Variants in ST3GAL3 observed in about 807,000 individuals in gnomAD.
ST3GAL3 encodes CMP-N-acetylneuraminate-beta-1,4-galactoside alpha-2,3-sialyltransferase.
A neutral mutation model predicts 50.1 loss-of-function variants in ST3GAL3; 21 were observed. That is an observed-to-expected ratio of 0.42 (90% confidence interval 0.30 to 0.60). The LOEUF is 0.60. Ranked by LOEUF, ST3GAL3 falls within the 20% of genes least tolerant of loss-of-function variation. The probability of loss-of-function intolerance (pLI) is 0.19; values close to 1 mark genes in which losing one functional copy is unlikely to be tolerated. For missense variants in ST3GAL3, 353 were observed against 489.4 expected (o/e 0.72, Z 2.63); for synonymous variants, 183 against 190.0 (o/e 0.96, Z 0.30).
chr1:43,825,100 C>G (rs1021208821), intron 4 of ST3GAL3, among the ~76,000 whole-genome samples: 1 of 152,152 alleles, frequency 6.6e-6, no homozygotes, highest in Non-Finnish European at 1.5e-5. Context: ...GCTCAGGTAC[C>G]TTTATGTTTA....
chr1:43,916,421 G>C (rs986941415), intron 9 of ST3GAL3, among the ~76,000 whole-genome samples: 1 of 152,198 alleles, frequency 6.6e-6, no homozygotes, highest in Non-Finnish European at 1.5e-5. Context: ...GACTGGAAAG[G>C]TGTAGGAGAA....
At chr1:43,843,245 GTTCTC>G (rs1460677225) in intron 5 of ST3GAL3, among the ~76,000 whole-genome samples, 1 of 152,188 alleles carries the variant, frequency 6.6e-6, no homozygotes, top group Non-Finnish European at 1.5e-5. Flanking sequence ...GGTAGAGGAA[GTTCTC>G]TTCTGTTCCT....
chr1:43,891,705 CTGT>C (rs979808264), intron 5 of ST3GAL3, among the ~76,000 whole-genome samples: 2 of 152,044 alleles, frequency 1.3e-5, no homozygotes, highest in Non-Finnish European at 2.9e-5. Context: ...TCTTTGGGGG[CTGT>C]TAAGGAATCA....
chr1:43,897,172 C>G (rs1021386596), intron 6 of ST3GAL3, among the ~76,000 whole-genome samples: 2 of 150,980 alleles, frequency 1.3e-5, no homozygotes, highest in African/African-American at 4.9e-5. Flanking sequence ...TCTTGCATGT[C>G]TCCTGGAGCA....
In ST3GAL3 at chr1:43,742,175, C is replaced by T. The variant is rs74070662; in HGVS notation, c.118+5795C>T. Among the ~76,000 whole-genome samples, 1,146 of 152,206 alleles carry T rather than the reference C, an allele frequency of 7.5e-3. 21 individuals are homozygous for T. Among genetic ancestry groups the T allele is most frequent in the African/African-American group, 0.026 (1,087 of 41,506 alleles). ...GTTGGGGTGAAAGCAATGCCAGGAA[C>T]GCTGATGGTCCAGCCCTACCAGTAG... On this transcript the variant is annotated intron_variant, in intron 2 of 11. Coordinates refer to ENST00000347631, the MANE Select transcript of ST3GAL3 (RefSeq NM_006279.5).
At position 43,920,879 on chromosome 1, in the gene ST3GAL3, A is replaced by G. The variant is rs370499935; in HGVS notation, c.989A>G (p.Asn330Ser). Reference sequence around the variant, plus strand: ...TTTGGCTATGACATGAGCACACCCAACGCACCCCTGCACTACTATGAGACC... The same window carrying G: ...TTTGGCTATGACATGAGCACACCCAGCGCACCCCTGCACTACTATGAGACC... The part of the protein sequence containing the change: ...AGFGYDMSTP[N>S]APLHYYETVR... The change falls in exon 11 of 12, where the codon AAC becomes AGC. Residue 330 changes from asparagine (N) to serine (S), a missense_variant. Asn to Ser is a conservative substitution (Grantham distance 46). Transcript: ENST00000347631. 88 of 1,613,734 alleles carry G rather than the reference A, an allele frequency of 5.5e-5. No individual in the cohort carries two copies. Among genetic ancestry groups the G allele is most frequent in the Non-Finnish European group, 7.2e-5 (85 of 1,179,960 alleles).
intron 5 of ST3GAL3, among the ~76,000 whole-genome samples, chr1:43,845,863 T>C (rs1037705572): frequency 6.6e-6 from 1 of 152,220 alleles, no homozygotes; most frequent in Non-Finnish European, 1.5e-5. Flanking sequence ...AAAAATATTA[T>C]CTAACTTTAC....
At chr1:43,790,725 A>G (rs1172726922) in intron 2 of ST3GAL3, among the ~76,000 whole-genome samples, 1 of 147,072 alleles carries the variant, frequency 6.8e-6, no homozygotes, top group East Asian at 2.0e-4. Context: ...TCCGCCTCCC[A>G]GGTTCAAGTG....
intron 5 of ST3GAL3, among the ~76,000 whole-genome samples, chr1:43,857,790 A>G (rs1444806833): frequency 6.6e-6 from 1 of 151,908 alleles, no homozygotes; most frequent in Non-Finnish European, 1.5e-5. Flanking sequence ...TAATTTTTGT[A>G]TCTTTAGTAG....
At chr1:43,814,369 T>C (rs749723326) in intron 3 of ST3GAL3, among the ~76,000 whole-genome samples, 5 of 152,196 alleles carry the variant, frequency 3.3e-5, no homozygotes, top group Non-Finnish European at 7.3e-5. Context: ...GAAGCATCAA[T>C]TTATCTTTAA....
intron 9 of ST3GAL3, chr1:43,919,966 A>G (rs941468541): frequency 2.4e-5 from 8 of 332,654 alleles, no homozygotes; most frequent in Non-Finnish European, 3.5e-5. Flanking sequence ...GAGAGCCAGG[A>G]GAGAGCAGCA....
chr1:43,907,674 A>G (rs2080045198), intron 9 of ST3GAL3, among the ~76,000 whole-genome samples: 1 of 152,060 alleles, frequency 6.6e-6, no homozygotes, highest in South Asian at 2.1e-4. Context: ...TGCCTCTGCC[A>G]TTCATGGTCA....
chr1:43,875,321 A>G (rs2073851467), intron 5 of ST3GAL3, among the ~76,000 whole-genome samples: 1 of 152,158 alleles, frequency 6.6e-6, no homozygotes, highest in African/African-American at 2.4e-5. Context: ...AGAGGGCTTT[A>G]GTTATTAGCA....
At chr1:43,925,554 G>T (rs892155819) in intron 11 of ST3GAL3, among the ~76,000 whole-genome samples, 1 of 152,176 alleles carries the variant, frequency 6.6e-6, no homozygotes, top group Non-Finnish European at 1.5e-5. Flanking sequence ...CCCCAGAAGA[G>T]GATTCACTGA....
At chr1:43,758,165 C>T (rs1490706725) in intron 2 of ST3GAL3, among the ~76,000 whole-genome samples, 1 of 138,128 alleles carries the variant, frequency 7.2e-6, no homozygotes, top group Non-Finnish European at 1.6e-5. Context: ...GCATACCACC[C>T]CCCCCCCCAA....
At chr1:43,767,167 T>C (rs1357998385) in intron 2 of ST3GAL3, among the ~76,000 whole-genome samples, 1 of 152,158 alleles carries the variant, frequency 6.6e-6, no homozygotes, top group Non-Finnish European at 1.5e-5. Context: ...TTGAGGAGTT[T>C]CAGGGACGGA....
chr1:43,740,752 G>A (rs1361744881), intron 2 of ST3GAL3, among the ~76,000 whole-genome samples: 1 of 151,968 alleles, frequency 6.6e-6, no homozygotes, highest in South Asian at 2.1e-4. Flanking sequence ...GGATTTCAAG[G>A]TTGCAGTGAG....
At chr1:43,717,968 G>A (rs775450626) in intron 1 of ST3GAL3, among the ~76,000 whole-genome samples, 95 of 151,952 alleles carry the variant, frequency 6.3e-4, no homozygotes, top group Non-Finnish European at 7.7e-4. Flanking sequence ...CACCTCCCGG[G>A]TTCAAGCGAT....
intron 1 of ST3GAL3, among the ~76,000 whole-genome samples, chr1:43,732,762 T>G (rs1475061829): frequency 6.6e-6 from 1 of 152,204 alleles, no homozygotes; most frequent in Non-Finnish European, 1.5e-5. Flanking sequence ...TGAACATTCA[T>G]GTACATGTCC....
Sources: allele counts gnomAD v4.1 joint callset (sites outside exome capture counted in the v4.1 genomes callset), GRCh38; gene constraint gnomAD v4.1.1; transcripts MANE v1.5; gene names NCBI Gene and HGNC (gene_info 2026-07-23, HGNC 2026-07-21).